Variants in PLEKHB1 observed in about 807,000 individuals in gnomAD.
PLEKHB1 encodes pleckstrin homology domain containing B1, also known as pleckstrin homology domain-containing family B member 1.
PLEKHB1 carries 29 observed loss-of-function variants against 36.2 expected under a neutral mutation model. The ratio of observed to expected loss-of-function variants is 0.80; its 90% CI spans 0.60 to 1.09. PLEKHB1 has a LOEUF of 1.09. Ranked by LOEUF, PLEKHB1 falls within the 50% of genes least tolerant of loss-of-function variation. The pLI, the probability that PLEKHB1 is intolerant of heterozygous loss-of-function variation, is 0.00. For missense variants in PLEKHB1, 330 were observed against 348.2 expected (o/e 0.95, Z 0.42); for synonymous variants, 138 against 140.0 (o/e 0.99, Z 0.10).
intron 6 of PLEKHB1, among the ~76,000 whole-genome samples, chr11:73,658,608 T>C (rs1208614214): frequency 2.7e-5 from 4 of 150,656 alleles, no homozygotes; most frequent in Non-Finnish European, 3.0e-5. Flanking sequence ...TTTCCTTCTT[T>C]CTTTTTCTTT....
intron 5 of PLEKHB1, among the ~76,000 whole-genome samples, chr11:73,654,009 A>C (rs1349607797): frequency 7.3e-6 from 1 of 136,428 alleles, no homozygotes; most frequent in African/African-American, 2.8e-5. Flanking sequence ...CAGTTTATGA[A>C]ATTTTGTTGT....
At chr11:73,651,992 A>G in intron 4 of PLEKHB1, 102 bp downstream of exon 4, 1 of 1,043,434 alleles carries the variant, frequency 9.6e-7, no homozygotes, top group Non-Finnish European at 1.4e-6. Context: ...GGAAGAGGGC[A>G]CTAAGGCCAG....
chr11:73,647,816 G>A, intron 1 of PLEKHB1: 1 of 979,858 alleles, frequency 1.0e-6, no homozygotes, highest in East Asian at 1.1e-4. Flanking sequence ...AGACCGTGGA[G>A]AGGGGAGGGA....
In PLEKHB1 at chr11:73,660,801, A is replaced by C; in HGVS notation, c.544A>C (p.Asn182His). Residue 182 changes from asparagine to histidine, a missense_variant, in exon 7 of 8, where the codon AAT becomes CAT. Asn to His is a moderately conservative substitution (Grantham distance 68, BLOSUM62 1). Transcript: ENST00000354190. ...YQDYYEVVPP[N>H]AHEATYVRSY... ...AGACTACTACGAGGTGGTGCCCCCCAATGCACACGAGGCCACGTATGTCCG... is the reference window on the plus strand; with the variant it reads ...AGACTACTACGAGGTGGTGCCCCCCCATGCACACGAGGCCACGTATGTCCG... 1.2e-6 allele frequency: 2 copies of C among 1,602,884 alleles called. No homozygotes were observed. The highest frequency in any genetic ancestry group is 2.3e-5 in the South Asian group (2 of 88,244).
Position 73,661,105 on chromosome 11 carries a change from G to T in PLEKHB1, c.595+253G>T, listed in dbSNP as rs1291116107. ...GGTCGGCAATACCCATTCCTGAGCC[G>T]GTAGCGGCCCCTGGTGGCTACTGCG... On this transcript the variant is annotated intron_variant, in intron 7 of 7. Transcript: ENST00000354190. This position sits in a 1 kb window ranked among gnomAD's most constrained non-coding sequence, Gnocchi z 4.6. Among the ~76,000 whole-genome samples the T allele has an allele frequency of 6.6e-6, 1 of 152,250 alleles. No individual in the cohort carries two copies. Among genetic ancestry groups the T allele is most frequent in the African/African-American group, 2.4e-5 (1 of 41,462 alleles).
chr11:73,661,442 C>T lies in PLEKHB1; in HGVS notation c.596-24C>T, dbSNP rs1432482886. ...TCTACTCCCTCCTAAGTCGCTGATC[C>T]TCATGGGCTGTCTCCCTCTGCAGGC... is the stretch of plus-strand genomic sequence containing the variant. On this transcript the variant is annotated intron_variant, in intron 7 of 7. Transcript: ENST00000354190. The surrounding 1 kb of genome is among the most constrained non-coding windows in gnomAD (Gnocchi z 4.6). 1 of 1,613,324 alleles carries T rather than the reference C, an allele frequency of 6.2e-7. No homozygotes were observed. Among genetic ancestry groups the T allele is most frequent in the Non-Finnish European group, 8.5e-7 (1 of 1,179,354 alleles).
intron 6 of PLEKHB1, among the ~76,000 whole-genome samples, chr11:73,657,735 C>T (rs1167802443): frequency 6.6e-6 from 1 of 152,198 alleles, no homozygotes; most frequent in African/African-American, 2.4e-5. Flanking sequence ...AACTTCCCCA[C>T]CAATAAAATT....
intron 6 of PLEKHB1, 29 bp downstream of exon 6, chr11:73,655,936 C>G (rs766310422): frequency 6.3e-7 from 1 of 1,588,568 alleles, no homozygotes; most frequent in Non-Finnish European, 8.6e-7. Flanking sequence ...CTCCCTGCCT[C>G]CATACTGGCC....
chr11:73,648,967 G>T, intron 1 of PLEKHB1, 45 bp from the exon 2 acceptor site: 1 of 1,558,694 alleles, frequency 6.4e-7, no homozygotes, highest in South Asian at 1.2e-5. Context: ...CTTCTCTCCA[G>T]GGAGCTGCTG....
At position 73,660,724 on chromosome 11, in the gene PLEKHB1, TG is replaced by T. The variant is rs780705225; in HGVS notation, c.496-26del. On this transcript the variant is annotated intron_variant, in intron 6 of 7. Transcript: ENST00000354190. ...GACCAAATCCGGGCCAGGGAGTTCC[TG>T]GGCACCTGACATGGTTGGATTCCCC... The T allele has an allele frequency of 9.6e-6, 15 of 1,560,070 alleles. No individual in the cohort carries two copies. The East Asian group carries it at 3.4e-4, about 35-fold the overall frequency.
At chr11:73,659,087 G>A (rs147525671) in intron 6 of PLEKHB1, among the ~76,000 whole-genome samples, 81 of 152,238 alleles carry the variant, frequency 5.3e-4, no homozygotes, top group Non-Finnish European at 6.8e-4. Flanking sequence ...TTAGCCAGGC[G>A]TGGTGGCAGG....
chr11:73,659,427 C>T (rs1590802922), intron 6 of PLEKHB1, among the ~76,000 whole-genome samples: 1 of 151,980 alleles, frequency 6.6e-6, no homozygotes, highest in African/African-American at 2.4e-5. Context: ...GGATCCTGAC[C>T]CCTCTCCAGG....
At chr11:73,654,110 G>A (rs1944950614) in intron 5 of PLEKHB1, among the ~76,000 whole-genome samples, 1 of 152,208 alleles carries the variant, frequency 6.6e-6, no homozygotes, top group South Asian at 2.1e-4. Context: ...CCACTTAGGA[G>A]GCTGGGACAG....
intron 1 of PLEKHB1, among the ~76,000 whole-genome samples, chr11:73,646,871 T>C (rs1201685641): frequency 6.6e-6 from 1 of 152,158 alleles, no homozygotes; most frequent in Non-Finnish European, 1.5e-5. Flanking sequence ...CATTCTTCAC[T>C]GTGCCCTAGA....
At chr11:73,655,749 C>A (rs1292217159) in intron 5 of PLEKHB1, 54 bp from the exon 6 acceptor site, 2 of 1,493,308 alleles carry the variant, frequency 1.3e-6, no homozygotes, top group African/African-American at 1.4e-5. Flanking sequence ...GTGTAGAGGG[C>A]CTCTGACACC....
chr11:73,653,357 T>A, intron 5 of PLEKHB1: 1 of 558,262 alleles, frequency 1.8e-6, no homozygotes. Flanking sequence ...GGGTTATTGT[T>A]CTCTCTCTGC....
In PLEKHB1 at chr11:73,661,586, C is replaced by T. The variant is rs1945124821; in HGVS notation, c.716C>T (p.Ser239Leu). Reference protein sequence around the residue: ...TGAALGSLMWSPCWF With the variant: ...TGAALGSLMWLPCWF ...GCGGCGCTGGGCTCGCTCATGTGGTCGCCCTGCTGGTTCTGAGCCCTGGGA... is the reference window on the plus strand; with the variant it reads ...GCGGCGCTGGGCTCGCTCATGTGGTTGCCCTGCTGGTTCTGAGCCCTGGGA... The change falls in exon 8 of 8, where the codon TCG (serine) becomes TTG (leucine). Residue 239 changes from serine to leucine, a missense_variant. Ser to Leu is a moderately radical substitution (Grantham distance 145). Coordinates refer to ENST00000354190, the MANE Select transcript of PLEKHB1 (RefSeq NM_021200.3). The surrounding 1 kb of genome is among the most constrained non-coding windows in gnomAD (Gnocchi z 4.6). 3.8e-6 allele frequency: 6 copies of T among 1,595,314 alleles called. No homozygotes were observed. The highest frequency in any genetic ancestry group is 4.3e-6 in the Non-Finnish European group (5 of 1,171,266).
Position 73,661,072 on chromosome 11 carries a change from A to G in PLEKHB1, c.595+220A>G, listed in dbSNP as rs962583026. The G allele has an allele frequency of 3.3e-6, 2 of 601,670 alleles. No homozygotes were observed. Among genetic ancestry groups the G allele is most frequent in the Non-Finnish European group, 5.9e-6 (2 of 341,540 alleles). 37.3% of individuals were successfully genotyped at this position (601,670 alleles called of 1,614,324 possible). On this transcript the variant is annotated intron_variant, in intron 7 of 7. Transcript: ENST00000354190. This position sits in a 1 kb window ranked among gnomAD's most constrained non-coding sequence, Gnocchi z 4.6. ...CCTCACCCTTCTGGGATGGCTCCTC[A>G]GCCCTGCGGTCGGCAATACCCATTC...
chr11:73,661,013 G>C lies in PLEKHB1; in HGVS notation c.595+161G>C. ...AAGCCCCTCTCCATCCTGAGACTGG[G>C]AGAGCTCTGGAACCAGCGTTCGTCT... On this transcript the variant is annotated intron_variant, in intron 7 of 7. Coordinates refer to ENST00000354190, the MANE Select transcript of PLEKHB1 (RefSeq NM_021200.3). This position sits in a 1 kb window ranked among gnomAD's most constrained non-coding sequence, Gnocchi z 4.6. 1 of 692,400 alleles carries C rather than the reference G, an allele frequency of 1.4e-6. No individual in the cohort carries two copies. The highest frequency in any genetic ancestry group is 2.4e-5 in the Admixed American group (1 of 41,360). 42.9% of individuals were successfully genotyped at this position (692,400 alleles called of 1,614,324 possible).
Sources: allele counts gnomAD v4.1 joint callset (sites outside exome capture counted in the v4.1 genomes callset), GRCh38; gene constraint gnomAD v4.1.1; non-coding constraint Gnocchi (gnomAD v3.1); transcripts MANE v1.5; gene names NCBI Gene and HGNC (gene_info 2026-07-23, HGNC 2026-07-21).